ARFGAP2: variants seen among roughly 807,000 people sequenced by gnomAD.
ARFGAP2 encodes the protein ADP-ribosylation factor GTPase-activating protein 2.
ARFGAP2 carries 45 observed loss-of-function variants against 71.9 expected under a neutral mutation model. The ratio of observed to expected loss-of-function variants is 0.63; its 90% CI spans 0.49 to 0.80. ARFGAP2 has a LOEUF of 0.80. ARFGAP2 is among the 30% of genes least tolerant of loss of function. The pLI, the probability that ARFGAP2 is intolerant of heterozygous loss-of-function variation, is 0.00. For synonymous variants in ARFGAP2, 248 were observed against 249.2 expected (o/e 1.00, Z 0.05); for missense variants, 633 against 673.9 (o/e 0.94, Z 0.67).
intron 15 of ARFGAP2, 105 bp from the exon 16 acceptor site, chr11:47,165,607 G>A: frequency 7.8e-7 from 1 of 1,288,472 alleles, no homozygotes. Context: ...AGCAAGACTG[G>A]GGAGGCAGGG....
chr11:47,168,101 T>C (rs1952459144), intron 11 of ARFGAP2, 22 bp downstream of exon 11: 1 of 1,614,022 alleles, frequency 6.2e-7, no homozygotes, highest in South Asian at 1.1e-5. Flanking sequence ...CAGCCAAGTT[T>C]ACAGCTAGAA....
Position 47,166,632 on chromosome 11 carries a change from T to C in ARFGAP2, c.1333-33A>G, listed in dbSNP as rs747578308. 5.0e-6 allele frequency: 8 copies of C among 1,608,108 alleles called. No homozygotes were observed. In the Admixed American group the frequency reaches 5.0e-5, roughly 10 times the overall value. ...GAGGAAAAGGCCAGGCCTGGGGATC[T>C]TGGGGCTGATGACCCAAGGACTCAC... On this transcript the variant is annotated intron_variant, in intron 13 of 15. Coordinates refer to ENST00000524782, the MANE Select transcript of ARFGAP2 (RefSeq NM_032389.6).
Position 47,166,867 on chromosome 11 carries a change from C to G in ARFGAP2, c.1225G>C (p.Val409Leu). ...ISERATNRREVESRSSGLESS... is the reference protein window; with the variant it reads ...ISERATNRRELESRSSGLESS... ...TCGAGGCCTGAGCTCCGGCTCTCCA[C>G]TTCCCTCCGGTTTGTGGCTCTGAGG... The change falls in exon 13 of 16, where the codon GTG (valine) becomes CTG (leucine). Residue 409 changes from valine to leucine, a missense_variant. Val to Leu is a conservative substitution (Grantham distance 32). Transcript: ENST00000524782. The G allele has an allele frequency of 6.2e-7, 1 of 1,613,912 alleles. No individual in the cohort carries two copies. The highest frequency in any genetic ancestry group is 8.5e-7 in the Non-Finnish European group (1 of 1,180,012).
Position 47,171,654 on chromosome 11 carries a change from A to G in ARFGAP2, c.809+10T>C. 2 of 1,613,810 alleles carry G rather than the reference A, an allele frequency of 1.2e-6. No individual in the cohort carries two copies. The highest frequency in any genetic ancestry group is 1.7e-6 in the Non-Finnish European group (2 of 1,180,028). The stretch of plus-strand genomic sequence containing the variant: ...CGCAGAAGCCTGAGGCCCCGGCAGC[A>G]AACACTTACATGGACTCCTCCGCCT... On this transcript the variant is annotated intron_variant, in intron 9 of 15. Coordinates refer to ENST00000524782, the MANE Select transcript of ARFGAP2 (RefSeq NM_032389.6).
At position 47,176,737 on chromosome 11, in the gene ARFGAP2, G is replaced by A. The variant is rs201005829; in HGVS notation, c.72+45C>T. The stretch of plus-strand genomic sequence containing the variant: ...CACCTCCGCCCTTCTCCCTCCCTCA[G>A]GCCCCAGCGGGACGAGAGACTCCGC... On this transcript the variant is annotated intron_variant, in intron 1 of 15. Transcript: ENST00000524782. 129 of 1,612,978 alleles carry A rather than the reference G, an allele frequency of 8.0e-5. 1 individual carries two copies. In the African/African-American group the frequency reaches 1.2e-3, roughly 15 times the overall value.
intron 7 of ARFGAP2, chr11:47,172,604 C>T: frequency 1.5e-6 from 2 of 1,322,216 alleles, no homozygotes; most frequent in Non-Finnish European, 1.0e-6. Flanking sequence ...TTCCCTGAAC[C>T]AAAACAAAGA....
At chr11:47,165,604 C>T in intron 15 of ARFGAP2, 102 bp from the exon 16 acceptor site, 1 of 1,316,810 alleles carries the variant, frequency 7.6e-7, no homozygotes, top group African/African-American at 1.5e-5. Context: ...CACAGCAAGA[C>T]TGGGGAGGCA....
At position 47,175,914 on chromosome 11, in the gene ARFGAP2, C is replaced by T. The variant is rs1425667289; in HGVS notation, c.201G>A (p.Glu67=). The change falls in exon 3 of 16, where the codon GAG becomes GAA. Residue 67 remains glutamate, a synonymous_variant. Coordinates refer to ENST00000524782, the MANE Select transcript of ARFGAP2 (RefSeq NM_032389.6). The part of the protein sequence containing the change: ...GVHLSFIRST[E]LDSNWNWFQL... ...GGAACCAGTTCCAGTTGGAATCCAA[C>T]TCTGTGGACCTGTGTACAAGGGCTG... The T allele has an allele frequency of 1.9e-6, 3 of 1,614,154 alleles. No homozygotes were observed. Among genetic ancestry groups the T allele is most frequent in the East Asian group, 4.5e-5 (2 of 44,876 alleles).
intron 10 of ARFGAP2, chr11:47,168,531 AT>A (rs763499291): frequency 3.5e-6 from 1 of 287,660 alleles, no homozygotes; most frequent in Non-Finnish European, 6.7e-6. Flanking sequence ...AATTTTATTT[AT>A]TTATTTGAGA....
chr11:47,171,481 C>G lies in ARFGAP2; in HGVS notation c.886G>C (p.Glu296Gln). 1 of 1,614,232 alleles carries G rather than the reference C, an allele frequency of 6.2e-7. No individual in the cohort carries two copies. Among genetic ancestry groups the G allele is most frequent in the East Asian group, 2.2e-5 (1 of 44,888 alleles). Residue 296 changes from glutamate to glutamine, a missense_variant, in exon 10 of 16, where the codon GAA becomes CAA. Glu to Gln is a conservative substitution (Grantham distance 29). Transcript: ENST00000524782. Reference sequence around the variant, plus strand: ...TCTGCCTGCTCTCGCTTCTTCCCTTCCAGATTCTGTAGCTTCTTTTCCTCT... The same window carrying G: ...TCTGCCTGCTCTCGCTTCTTCCCTTGCAGATTCTGTAGCTTCTTTTCCTCT... Reference protein sequence around the residue: ...KKEEKKLQNLEGKKREQAERL... With the variant: ...KKEEKKLQNLQGKKREQAERL...
chr11:47,168,348 A>G (rs947127032), intron 10 of ARFGAP2, 97 bp from the exon 11 acceptor site: 25 of 1,527,748 alleles, frequency 1.6e-5, no homozygotes, highest in Non-Finnish European at 2.0e-5. Context: ...TCCTTCACGG[A>G]GCGTCACCCA....
chr11:47,166,526 A>G lies in ARFGAP2; in HGVS notation c.1406T>C (p.Met469Thr). 6.2e-7 allele frequency: 1 copy of G among 1,612,618 alleles called. No individual in the cohort carries two copies. Among genetic ancestry groups the G allele is most frequent in the South Asian group, 1.1e-5 (1 of 91,078 alleles). Reference protein sequence around the residue: ...AISSSDLFGDMDGAHGAGSVS... With the variant: ...AISSSDLFGDTDGAHGAGSVS... ...CCTACCTGCTCCGTGAGCTCCATCC[A>G]TGTCCCCAAAGAGGTCTGAAGAGCT... Residue 469 changes from methionine to threonine, a missense_variant, in exon 14 of 16, where the codon ATG becomes ACG. Met to Thr is a moderately conservative substitution (Grantham distance 81). Coordinates refer to ENST00000524782, the MANE Select transcript of ARFGAP2 (RefSeq NM_032389.6).
At chr11:47,172,404 G>A (rs1952641704) in intron 7 of ARFGAP2, 71 bp from the exon 8 acceptor site, 2 of 1,530,858 alleles carry the variant, frequency 1.3e-6, no homozygotes, top group Admixed American at 1.7e-5. Context: ...TATACACCAT[G>A]CAGCTTCATG....
In ARFGAP2 at chr11:47,176,289, T is replaced by C. The variant is rs1050708220; in HGVS notation, c.191+227A>G. 10 of 597,500 alleles carry C rather than the reference T, an allele frequency of 1.7e-5. No homozygotes were observed. In the African/African-American group the frequency reaches 1.9e-4, roughly 11 times the overall value. 37.0% of individuals were successfully genotyped at this position (597,500 alleles called of 1,614,324 possible). A position where few individuals can be genotyped will look rare whatever the true frequency, so the allele number is the denominator to read the frequency against. The stretch of plus-strand genomic sequence containing the variant: ...CAACTAACGCTCAGAGTCTCAAGCC[T>C]GACCGTCAAAAAAGAGGAAGTTTTG... On this transcript the variant is annotated intron_variant, in intron 2 of 15. Transcript: ENST00000524782.
intron 6 of ARFGAP2, 34 bp downstream of exon 6, chr11:47,173,725 C>T: frequency 6.4e-7 from 1 of 1,568,368 alleles, no homozygotes. Context: ...CTCCTAGGAC[C>T]AGGGCACCTG....
intron 5 of ARFGAP2, chr11:47,174,054 G>C: frequency 1.2e-6 from 1 of 824,990 alleles, no homozygotes; most frequent in Non-Finnish European, 1.9e-6. Context: ...TATTTACTTA[G>C]AGCCAGAGCC....
chr11:47,164,948 C>T lies in ARFGAP2; in HGVS notation c.*534G>A, dbSNP rs912816162. 6.5e-6 allele frequency: 1 copy of T among 154,034 alleles called. No homozygotes were observed. The highest frequency in any genetic ancestry group is 1.4e-5 in the Non-Finnish European group (1 of 69,358). The allele number at this position is 154,034 out of a possible 1,614,324, so 9.5% of individuals were successfully genotyped here. A position where few individuals can be genotyped will look rare whatever the true frequency, so the allele number is the denominator to read the frequency against. ...CCCAGACAAAGGTCCTTCCCCTCTC[C>T]TGGCACCCAGAAGAGGCCACTGGCA... is the stretch of plus-strand genomic sequence containing the variant. On this transcript the variant is annotated 3_prime_UTR_variant, in exon 16 of 16. Coordinates refer to ENST00000524782, the MANE Select transcript of ARFGAP2 (RefSeq NM_032389.6).
intron 11 of ARFGAP2, 38 bp downstream of exon 11, chr11:47,168,085 A>C: frequency 6.2e-7 from 1 of 1,614,156 alleles, no homozygotes. Flanking sequence ...CTGATGAGGA[A>C]CACAGCAGCC....
chr11:47,172,603 C>T, intron 7 of ARFGAP2: 1 of 1,318,902 alleles, frequency 7.6e-7, no homozygotes, highest in South Asian at 1.3e-5. Context: ...ATTCCCTGAA[C>T]CAAAACAAAG....
Sources: gnomAD v4.1 joint callset for allele counts on GRCh38, gnomAD v4.1.1 for gene constraint, MANE v1.5 for transcripts, NCBI Gene and HGNC (gene_info 2026-07-23, HGNC 2026-07-21) for gene names.